The following DIP2C variants were observed in gnomAD, a reference collection of about 807,000 sequenced individuals.
DIP2C encodes the protein disco-interacting protein 2 homolog C.
A neutral mutation model predicts 192.4 loss-of-function variants in DIP2C; 33 were observed. That is an observed-to-expected ratio of 0.17 (90% confidence interval 0.13 to 0.23). The LOEUF (loss-of-function observed/expected upper bound fraction) is 0.23, where lower values mean the gene tolerates loss of function less well. Ranked by LOEUF, DIP2C falls within the 10% of genes least tolerant of loss-of-function variation. The probability of loss-of-function intolerance (pLI) is 1.00; values close to 1 mark genes in which losing one functional copy is unlikely to be tolerated. For missense variants in DIP2C, 1,537 were observed against 2,110.1 expected, an observed-to-expected ratio of 0.73 and a Z score of 5.32; for synonymous variants, 979 against 864.1, an observed-to-expected ratio of 1.13 and a Z score of -2.33.
rs564464048 is a variant in DIP2C at position 383,818 on chromosome 10, C to T, written c.1876+209G>A. ...TGCCTGTCCTTATTATGCCATCGTA[C>T]CTCTTGGCCCGAGTGAGTGATTACT... On this transcript the variant is annotated intron_variant, in intron 16 of 36. Transcript: ENST00000280886. Among the ~76,000 whole-genome samples the T allele has an allele frequency of 9.2e-5, 14 of 152,174 alleles. No individual in the cohort carries two copies. The East Asian group carries it at 2.7e-3, about 29-fold the overall frequency.
intron 1 of DIP2C, among the ~76,000 whole-genome samples, chr10:500,904 C>A (rs974135130): frequency 6.6e-6 from 1 of 152,086 alleles, no homozygotes; most frequent in African/African-American, 2.4e-5. Flanking sequence ...TTTCTGACAA[C>A]CTTGCTGTGT....
intron 9 of DIP2C, among the ~76,000 whole-genome samples, chr10:400,361 T>C (rs1964319097): frequency 6.6e-6 from 1 of 152,206 alleles, no homozygotes; most frequent in African/African-American, 2.4e-5. Flanking sequence ...GTATGGTGTA[T>C]CTTGACGAAG....
At chr10:335,695 C>T (rs866649462) in intron 29 of DIP2C, among the ~76,000 whole-genome samples, 4 of 152,346 alleles carry the variant, frequency 2.6e-5, no homozygotes, top group Middle Eastern at 3.4e-3. Flanking sequence ...TCATCCCACC[C>T]GCTGTGTGCT....
chr10:414,739 G>GTGTATATATATA lies in DIP2C; in HGVS notation c.860-630_860-629insTATATATATACA. ...TGTGTGTGTGTGTGTGTGTGTGTGT[G>GTGTATATATATA]TACATATATATATATATAATGTGTA... On this transcript the variant is annotated intron_variant, in intron 7 of 36. Transcript: ENST00000280886. Among the ~76,000 whole-genome samples the GTGTATATATATA allele has an allele frequency of 7.3e-3, 660 of 90,492 alleles. 31 individuals carry two copies. The highest frequency in any genetic ancestry group is 0.025 in the South Asian group (64 of 2,510). 59.4% of individuals were successfully genotyped at this position (90,492 alleles called of 152,430 possible). A position where few individuals can be genotyped will look rare whatever the true frequency, so the allele number is the denominator to read the frequency against.
chr10:525,265 C>G (rs1420207569), intron 1 of DIP2C, among the ~76,000 whole-genome samples: 3 of 152,124 alleles, frequency 2.0e-5, no homozygotes, highest in Non-Finnish European at 4.4e-5. Flanking sequence ...TAGAATTTGA[C>G]TTCAGCAATT....
At chr10:429,813 T>C (rs1966839908) in intron 4 of DIP2C, among the ~76,000 whole-genome samples, 1 of 152,072 alleles carries the variant, frequency 6.6e-6, no homozygotes, top group Non-Finnish European at 1.5e-5. Context: ...CTTCCAAGTT[T>C]TGGCAATTAT....
chr10:515,540 T>C (rs189844105), intron 1 of DIP2C, among the ~76,000 whole-genome samples: 1 of 152,238 alleles, frequency 6.6e-6, no homozygotes, highest in African/African-American at 2.4e-5. Flanking sequence ...CTGGCCAATA[T>C]GGCAAAACCC....
chr10:531,807 A>G (rs1472460942), intron 1 of DIP2C, among the ~76,000 whole-genome samples: 2 of 152,214 alleles, frequency 1.3e-5, no homozygotes, highest in African/African-American at 4.8e-5. Flanking sequence ...TGCCCGTGTC[A>G]AGAACACAGA....
At chr10:431,046 C>T (rs984253606) in intron 4 of DIP2C, among the ~76,000 whole-genome samples, 1 of 152,216 alleles carries the variant, frequency 6.6e-6, no homozygotes, top group Non-Finnish European at 1.5e-5. Flanking sequence ...ACTGGGCTCT[C>T]TATTCTGTCC....
chr10:498,740 T>A (rs1331649021), intron 1 of DIP2C, among the ~76,000 whole-genome samples: 1 of 152,052 alleles, frequency 6.6e-6, no homozygotes, highest in Non-Finnish European at 1.5e-5. Context: ...TCCTCTCAGC[T>A]CCAGCACACC....
chr10:300,405 C>A (rs147236147), intron 32 of DIP2C, among the ~76,000 whole-genome samples: 46 of 152,258 alleles, frequency 3.0e-4, no homozygotes, highest in African/African-American at 1.0e-3. Flanking sequence ...AGACAAATAC[C>A]ACAGGACTCA....
At chr10:330,978 ATTTTTTTTT>A (rs34830576) in intron 29 of DIP2C, among the ~76,000 whole-genome samples, 1 of 100,362 alleles carries the variant, frequency 1.0e-5, no homozygotes, top group African/African-American at 3.8e-5. Flanking sequence ...TGCCTGGCTA[ATTTTTTTTT>A]TTTTTTTTTT....
chr10:602,198 A>G (rs190281835), intron 1 of DIP2C, among the ~76,000 whole-genome samples: 1 of 152,174 alleles, frequency 6.6e-6, no homozygotes, highest in Non-Finnish European at 1.5e-5. Flanking sequence ...CTGCAGTCCT[A>G]AAGTGTCAGT....
chr10:626,222 C>T (rs1854191805), intron 1 of DIP2C, among the ~76,000 whole-genome samples: 1 of 152,188 alleles, frequency 6.6e-6, no homozygotes, highest in African/African-American at 2.4e-5. Context: ...TCTCACTGTC[C>T]AGATGGGAAA....
At chr10:302,124 T>G (rs1956082708) in intron 32 of DIP2C, among the ~76,000 whole-genome samples, 1 of 152,112 alleles carries the variant, frequency 6.6e-6, no homozygotes, top group Admixed American at 6.6e-5. Flanking sequence ...AAAAAAGGCA[T>G]TTGCATGACT....
intron 1 of DIP2C, among the ~76,000 whole-genome samples, chr10:653,697 A>G (rs1307368493): frequency 6.6e-6 from 1 of 152,212 alleles, no homozygotes; most frequent in Non-Finnish European, 1.5e-5. Context: ...TTTGGGTGAG[A>G]AAGTCTCCAC....
intron 1 of DIP2C, among the ~76,000 whole-genome samples, chr10:570,261 C>T (rs1312004811): frequency 6.6e-6 from 1 of 152,132 alleles, no homozygotes; most frequent in South Asian, 2.1e-4. Flanking sequence ...TTAAACTTCA[C>T]AGTGTCACAA....
chr10:686,452 C>T (rs1353190878), intron 1 of DIP2C, among the ~76,000 whole-genome samples: 1 of 152,042 alleles, frequency 6.6e-6, no homozygotes, highest in Non-Finnish European at 1.5e-5. Context: ...CCTCCCCACC[C>T]GCACAACCTC....
At chr10:440,786 A>G in intron 4 of DIP2C, 85 bp downstream of exon 4, 1 of 1,498,916 alleles carries the variant, frequency 6.7e-7, no homozygotes, top group Non-Finnish European at 8.9e-7. Flanking sequence ...TTATTTTGAA[A>G]GCAAAAACCC....
Sources: allele counts gnomAD v4.1 joint callset (sites outside exome capture counted in the v4.1 genomes callset), GRCh38; gene constraint gnomAD v4.1.1; transcripts MANE v1.5; gene names NCBI Gene and HGNC (gene_info 2026-07-23, HGNC 2026-07-21).